The following CD84 variants were observed in gnomAD, a reference collection of about 807,000 sequenced individuals.
CD84 encodes CD84 molecule.
Under a neutral mutation model 33.8 loss-of-function variants are expected in CD84, and 22 were observed. That is an observed-to-expected ratio of 0.65 (90% CI 0.46 to 0.93). CD84 has a LOEUF of 0.93. CD84 is among the 40% of genes least tolerant of loss of function. The pLI is 0.00. For synonymous variants in CD84, 154 were observed against 145.2 expected, an observed-to-expected ratio of 1.06 and a Z score of -0.44; for missense variants, 400 against 397.6, an observed-to-expected ratio of 1.01 and a Z score of -0.05.
chr1:160,550,893 A>G (rs1276875751), intron 5 of CD84, 45 bp downstream of exon 5: 1 of 1,610,166 alleles, frequency 6.2e-7, no homozygotes, highest in Admixed American at 1.7e-5. Context: ...ACTCCCTGTC[A>G]TGGAGATGGT....
intron 6 of CD84, 102 bp from the exon 7 acceptor site, chr1:160,548,423 A>C: frequency 8.4e-7 from 1 of 1,194,152 alleles, no homozygotes; most frequent in Non-Finnish European, 1.2e-6. Context: ...GCACGGGGGA[A>C]TGCCTTAGAT....
rs551002638 is a variant in CD84, at chr1:160,570,631, C to G, written c.47-4886G>C. Among the ~76,000 whole-genome samples, 4 of 152,256 alleles carry G rather than the reference C, an allele frequency of 2.6e-5. No individual in the cohort carries two copies. In the South Asian group the frequency reaches 6.2e-4, roughly 24 times the overall value. ...ATCCCAACACTTTGGGAGGCCAAGGCAGGTGGATCGCTTGAGTCCAGGAGT... is the reference window on the plus strand; with the variant it reads ...ATCCCAACACTTTGGGAGGCCAAGGGAGGTGGATCGCTTGAGTCCAGGAGT... On this transcript the variant is annotated intron_variant, in intron 1 of 6. Transcript: ENST00000368054.
chr1:160,568,571 T>C (rs1230791549), intron 1 of CD84, among the ~76,000 whole-genome samples: 1 of 152,164 alleles, frequency 6.6e-6, no homozygotes, highest in Non-Finnish European at 1.5e-5. Flanking sequence ...CAAGTACTTC[T>C]ACTTATGAAC....
At chr1:160,551,574 C>T (rs1656225487) in intron 4 of CD84, among the ~76,000 whole-genome samples, 1 of 152,226 alleles carries the variant, frequency 6.6e-6, no homozygotes, top group African/African-American at 2.4e-5. Flanking sequence ...AGTTCTCACT[C>T]TGTCACCCAC....
chr1:160,576,901 G>A (rs922471949), intron 1 of CD84, among the ~76,000 whole-genome samples: 2 of 152,126 alleles, frequency 1.3e-5, no homozygotes, highest in Admixed American at 1.3e-4. Flanking sequence ...AAGACAGGGA[G>A]TTGAAGAAAT....
intron 1 of CD84, among the ~76,000 whole-genome samples, chr1:160,572,122 C>T (rs377403290): frequency 3.7e-4 from 56 of 152,194 alleles, no homozygotes; most frequent in African/African-American, 1.2e-3. Flanking sequence ...GGCTTGTGCT[C>T]ATGTTCAATC....
At chr1:160,549,155 G>C (rs1218041761) in intron 6 of CD84, among the ~76,000 whole-genome samples, 1 of 152,144 alleles carries the variant, frequency 6.6e-6, no homozygotes, top group Non-Finnish European at 1.5e-5. Context: ...CTCCTTAAAA[G>C]GAAGTAGCAC....
Position 160,547,389 on chromosome 1 carries a change from C to T in CD84, c.*867G>A, listed in dbSNP as rs1475088448. Reference sequence around the variant, plus strand: ...GGCATGGCTGCTTCTTCTGCTGAGGCTGCTTGGAGTGATACAGAAGGAAAT... The same window carrying T: ...GGCATGGCTGCTTCTTCTGCTGAGGTTGCTTGGAGTGATACAGAAGGAAAT... On this transcript the variant is annotated 3_prime_UTR_variant, in exon 7 of 7. Coordinates refer to ENST00000368054, the MANE Select transcript of CD84 (RefSeq NM_003874.4). The T allele has an allele frequency of 2.5e-6, 1 of 392,950 alleles. No individual in the cohort carries two copies. 24.3% of individuals were successfully genotyped at this position (392,950 alleles called of 1,614,324 possible). A position where few individuals can be genotyped will look rare whatever the true frequency, so the allele number is the denominator to read the frequency against.
intron 2 of CD84, among the ~76,000 whole-genome samples, chr1:160,554,782 C>T (rs2102144766): frequency 6.6e-6 from 1 of 152,238 alleles, no homozygotes; most frequent in East Asian, 1.9e-4. Context: ...GAACTATACT[C>T]ATACATCAAT....
Position 160,547,016 on chromosome 1 carries a change from A to G in CD84, c.*1240T>C, listed in dbSNP as rs1238162271. The G allele has an allele frequency of 2.5e-6, 1 of 397,710 alleles. No individual in the cohort carries two copies. Among genetic ancestry groups the G allele is most frequent in the African/African-American group, 2.1e-5 (1 of 48,628 alleles). 24.6% of individuals were successfully genotyped at this position (397,710 alleles called of 1,614,324 possible). ...TAGGAGTTAGCCGATTATACTTGCT[A>G]ACACATAAGGGAAACACTTCCTTAA... On this transcript the variant is annotated 3_prime_UTR_variant, in exon 7 of 7. Coordinates refer to ENST00000368054, the MANE Select transcript of CD84 (RefSeq NM_003874.4).
At chr1:160,559,073 G>A (rs913187807) in intron 2 of CD84, among the ~76,000 whole-genome samples, 1 of 152,166 alleles carries the variant, frequency 6.6e-6, no homozygotes, top group Admixed American at 6.5e-5. Flanking sequence ...ATATCATCCA[G>A]GAGAACTTCC....
At chr1:160,550,173 G>A (rs1221151176) in intron 5 of CD84, among the ~76,000 whole-genome samples, 194 bp from the exon 6 acceptor site, 1 of 151,808 alleles carries the variant, frequency 6.6e-6, no homozygotes, top group Non-Finnish European at 1.5e-5. Flanking sequence ...GGGGTGAATG[G>A]GTAGCAGTTG....
intron 2 of CD84, among the ~76,000 whole-genome samples, chr1:160,555,823 T>A (rs761400553): frequency 5.9e-5 from 9 of 152,296 alleles, no homozygotes; most frequent in Non-Finnish European, 1.3e-4. Context: ...ACCATTATCT[T>A]GCGTTTGTGA....
At chr1:160,552,704 C>G in intron 4 of CD84, 1 of 1,546,496 alleles carries the variant, frequency 6.5e-7, no homozygotes, top group Non-Finnish European at 8.7e-7. Flanking sequence ...TGAGAACTTA[C>G]AAGGGTTCTT....
At chr1:160,574,114 C>CA (rs200259393) in intron 1 of CD84, among the ~76,000 whole-genome samples, 38 of 88,316 alleles carry the variant, frequency 4.3e-4, no homozygotes, top group South Asian at 1.9e-3. Context: ...CAAAAACAAA[C>CA]AAAAAAAAAC....
At chr1:160,573,713 T>C (rs1657826583) in intron 1 of CD84, among the ~76,000 whole-genome samples, 1 of 152,156 alleles carries the variant, frequency 6.6e-6, no homozygotes, top group Non-Finnish European at 1.5e-5. Context: ...TCACTGCAGT[T>C]ATCACCACTA....
At chr1:160,555,065 A>G (rs868740197) in intron 2 of CD84, among the ~76,000 whole-genome samples, 1 of 151,562 alleles carries the variant, frequency 6.6e-6, no homozygotes, top group Admixed American at 6.6e-5. Context: ...ATCAGCACAC[A>G]ACTACATGAA....
At chr1:160,559,625 A>G (rs115825961) in intron 2 of CD84, among the ~76,000 whole-genome samples, 3,613 of 152,320 alleles carry the variant, frequency 0.024, 65 homozygotes, top group Non-Finnish European at 0.036. Flanking sequence ...AAATTCACAC[A>G]TAACAACACT....
intron 3 of CD84, 126 bp from the exon 4 acceptor site, chr1:160,553,623 G>C (rs899585279): frequency 3.4e-6 from 4 of 1,188,312 alleles, no homozygotes; most frequent in Admixed American, 4.4e-5. Context: ...AAAGCTCCTA[G>C]GGAAACTAAA....
Sources: gnomAD v4.1 joint callset for allele counts (sites outside exome capture counted in the v4.1 genomes callset) on GRCh38, gnomAD v4.1.1 for gene constraint, MANE v1.5 for transcripts, NCBI Gene and HGNC (gene_info 2026-07-23, HGNC 2026-07-21) for gene names.